Variants in MTMR12 observed in about 807,000 individuals in gnomAD.
The protein encoded by MTMR12 is myotubularin-related protein 12.
Under a neutral mutation model 96.7 loss-of-function variants are expected in MTMR12, and 33 were observed. The ratio of observed to expected loss-of-function variants is 0.34; its 90% CI spans 0.26 to 0.46. The LOEUF (loss-of-function observed/expected upper bound fraction) is 0.46, where lower values mean the gene tolerates loss of function less well. Among genes scored for constraint, MTMR12 ranks in the 20% least tolerant of loss-of-function variants. The pLI is 1.00. For missense variants in MTMR12, 721 were observed against 896.1 expected (o/e 0.80, Z 2.49); for synonymous variants, 298 against 327.2 (o/e 0.91, Z 0.96).
At chr5:32,269,326 C>CTATTAT (rs1196109365) in intron 5 of MTMR12, among the ~76,000 whole-genome samples, 1 of 149,850 alleles carries the variant, frequency 6.7e-6, no homozygotes, top group African/African-American at 2.4e-5. Flanking sequence ...CCTGCCCAGC[C>CTATTAT]TATTATTATT....
chr5:32,311,205 A>G (rs1751580705), intron 1 of MTMR12, among the ~76,000 whole-genome samples: 4 of 152,186 alleles, frequency 2.6e-5, no homozygotes, highest in Admixed American at 2.6e-4. Flanking sequence ...TATACCCACA[A>G]AAATTTTTTA....
chr5:32,250,506 G>A (rs116734378), intron 8 of MTMR12, among the ~76,000 whole-genome samples: 3,382 of 152,304 alleles, frequency 0.022, 140 homozygotes, highest in African/African-American at 0.076. Flanking sequence ...CATGCTAAGC[G>A]ATGTGCAGAA....
At chr5:32,300,127 C>T (rs1751084088) in intron 1 of MTMR12, among the ~76,000 whole-genome samples, 2 of 152,192 alleles carry the variant, frequency 1.3e-5, no homozygotes, top group South Asian at 4.1e-4. Context: ...TGTTTCTTTG[C>T]ATTCCTAATT....
At chr5:32,296,153 T>G (rs1350597871) in intron 1 of MTMR12, among the ~76,000 whole-genome samples, 1 of 151,432 alleles carries the variant, frequency 6.6e-6, no homozygotes, top group African/African-American at 2.4e-5. Flanking sequence ...GGCAAGACTC[T>G]GTCTCAAAAA....
At chr5:32,238,138 C>A (rs944906170) in intron 13 of MTMR12, among the ~76,000 whole-genome samples, 1 of 109,502 alleles carries the variant, frequency 9.1e-6, no homozygotes, top group African/African-American at 3.6e-5. Context: ...AGCAAGACTC[C>A]GTCTCAAAAA....
intron 1 of MTMR12, among the ~76,000 whole-genome samples, chr5:32,303,468 A>G (rs2112160639): frequency 6.6e-6 from 1 of 152,268 alleles, no homozygotes; most frequent in African/African-American, 2.4e-5. Context: ...CAAAGCCAAC[A>G]GGAGATTAGA....
At chr5:32,277,758 T>C (rs1750117481) in intron 1 of MTMR12, among the ~76,000 whole-genome samples, 1 of 152,102 alleles carries the variant, frequency 6.6e-6, no homozygotes, top group African/African-American at 2.4e-5. Context: ...TCCCCTCTCC[T>C]TCCAGTGAGG....
intron 6 of MTMR12, among the ~76,000 whole-genome samples, chr5:32,268,141 T>C (rs986645438): frequency 4.6e-5 from 7 of 152,096 alleles, no homozygotes; most frequent in East Asian, 1.9e-4. Context: ...CTTGATCTTA[T>C]CTTTCATAAA....
At chr5:32,296,473 T>A (rs992080926) in intron 1 of MTMR12, 1 of 374,354 alleles carries the variant, frequency 2.7e-6, no homozygotes, top group Non-Finnish European at 5.6e-6. Flanking sequence ...AGCAAGACCT[T>A]GTCTCCAAAA....
Position 32,244,777 on chromosome 5 carries a change from G to A in MTMR12, c.1022-1178C>T, listed in dbSNP as rs572869521. 5.9e-5 allele frequency among the ~76,000 whole-genome samples: 9 copies of A among 152,218 alleles called. No homozygotes were observed. In the South Asian group the frequency reaches 1.7e-3, roughly 28 times the overall value. On this transcript the variant is annotated intron_variant, in intron 10 of 15. Transcript: ENST00000382142. ...TTCCCCTGCAAGAATATAAGCTCTT[G>A]GTGTTATATTTCTCTTTATCACCAA...
At chr5:32,277,403 G>C (rs184530971) in intron 1 of MTMR12, among the ~76,000 whole-genome samples, 4 of 152,108 alleles carry the variant, frequency 2.6e-5, no homozygotes, top group Non-Finnish European at 5.9e-5. Flanking sequence ...CACAGAATCT[G>C]AAATAAAAGA....
intron 1 of MTMR12, among the ~76,000 whole-genome samples, chr5:32,282,705 C>A (rs1400945087): frequency 6.6e-6 from 1 of 152,034 alleles, no homozygotes; most frequent in Non-Finnish European, 1.5e-5. Flanking sequence ...ATAAAGAAAT[C>A]CTTGCCTCAA....
intron 8 of MTMR12, among the ~76,000 whole-genome samples, chr5:32,251,054 CTT>C (rs1299015165): frequency 1.3e-3 from 175 of 130,988 alleles, no homozygotes; most frequent in African/African-American, 4.6e-3. Flanking sequence ...AGGTCCCTCT[CTT>C]TTTTTTTTTT....
chr5:32,282,637 C>T (rs971002931), intron 1 of MTMR12, among the ~76,000 whole-genome samples: 1 of 151,918 alleles, frequency 6.6e-6, no homozygotes, highest in Non-Finnish European at 1.5e-5. Context: ...CCAAACCAGT[C>T]CCAAGAAGAG....
chr5:32,234,319 G>A (rs990606603), intron 14 of MTMR12, among the ~76,000 whole-genome samples: 1 of 152,164 alleles, frequency 6.6e-6, no homozygotes, highest in Non-Finnish European at 1.5e-5. Flanking sequence ...CTACTTCACT[G>A]GGGGATTTGG....
chr5:32,243,494 C>A (rs772729889), intron 11 of MTMR12, 27 bp downstream of exon 11: 1 of 1,537,944 alleles, frequency 6.5e-7, no homozygotes, highest in South Asian at 1.1e-5. Context: ...TTACAAAATT[C>A]ATGAGTAAAA....
chr5:32,234,759 T>C (rs1390590519), intron 14 of MTMR12: 1 of 462,794 alleles, frequency 2.2e-6, no homozygotes. Context: ...GTGTTCAATA[T>C]CTTTTTTAAA....
At chr5:32,283,634 A>G (rs886893571) in intron 1 of MTMR12, among the ~76,000 whole-genome samples, 3 of 152,216 alleles carry the variant, frequency 2.0e-5, no homozygotes, top group African/African-American at 4.8e-5. Flanking sequence ...AAAAGGAAAA[A>G]CAAGGCAGAA....
intron 6 of MTMR12, among the ~76,000 whole-genome samples, chr5:32,266,561 G>A (rs1050007249): frequency 4.0e-5 from 6 of 151,786 alleles, no homozygotes; most frequent in African/African-American, 1.5e-4. Context: ...GGTGGCATGC[G>A]CCTGTAATCC....
Sources: allele counts gnomAD v4.1 joint callset (sites outside exome capture counted in the v4.1 genomes callset), GRCh38; gene constraint gnomAD v4.1.1; transcripts MANE v1.5; gene names NCBI Gene and HGNC (gene_info 2026-07-23, HGNC 2026-07-21).